The following PLD5 variants were observed in gnomAD, a reference collection of about 807,000 sequenced individuals.
PLD5 encodes the protein inactive phospholipase D5.
Under a neutral mutation model 61.1 loss-of-function variants are expected in PLD5, and 36 were observed. That is an observed-to-expected ratio of 0.59 (90% CI 0.45 to 0.78). The LOEUF (loss-of-function observed/expected upper bound fraction) is 0.78, where lower values mean the gene tolerates loss of function less well. Among genes scored for constraint, PLD5 ranks in the 30% least tolerant of loss-of-function variants. The probability of loss-of-function intolerance (pLI) is 0.00; values close to 1 mark genes in which losing one functional copy is unlikely to be tolerated. For missense variants in PLD5, 515 were observed against 644.4 expected (o/e 0.80, Z 2.17); for synonymous variants, 243 against 242.8 (o/e 1.00, Z -0.01).
Position 242,086,304 on chromosome 1 carries a change from T to C in PLD5, c.*3550A>G, listed in dbSNP as rs1414454337. The C allele has an allele frequency of 6.6e-6, 1 of 152,104 alleles. No homozygotes were observed. The highest frequency in any genetic ancestry group is 1.5e-5 in the Non-Finnish European group (1 of 68,010). The allele number at this position is 152,104 out of a possible 1,614,324, so 9.4% of individuals were successfully genotyped here. ...TGCTTTGACTTGTTAAAGACGCTGG[T>C]TTTCATTCTCTGTGCCACAGGACCT... On this transcript the variant is annotated 3_prime_UTR_variant, in exon 10 of 10. Transcript: ENST00000536534.
intron 5 of PLD5, among the ~76,000 whole-genome samples, chr1:242,132,351 T>C (rs1663363932): frequency 6.6e-6 from 1 of 152,098 alleles, no homozygotes; most frequent in Non-Finnish European, 1.5e-5. Flanking sequence ...ATTAGCACCG[T>C]TCTTTGCTGT....
At chr1:242,219,427 A>G (rs985300260) in intron 5 of PLD5, among the ~76,000 whole-genome samples, 2 of 151,816 alleles carry the variant, frequency 1.3e-5, no homozygotes, top group African/African-American at 4.8e-5. Context: ...ATGACTAGGA[A>G]CCTCCTGTCG....
At chr1:242,243,382 T>C (rs422095) in intron 4 of PLD5, among the ~76,000 whole-genome samples, 144,432 of 152,266 alleles carry the variant, frequency 0.95, 68,971 homozygotes, top group Non-Finnish European at 1. Flanking sequence ...AGGGTTATAA[T>C]TGCAGCTATG....
At chr1:242,423,292 T>C (rs548974451) in intron 1 of PLD5, among the ~76,000 whole-genome samples, 3 of 151,690 alleles carry the variant, frequency 2.0e-5, no homozygotes, top group Non-Finnish European at 2.9e-5. Flanking sequence ...ATCAGGAAAA[T>C]AGGACATAAA....
At chr1:242,363,665 A>T (rs1005187311) in intron 1 of PLD5, among the ~76,000 whole-genome samples, 10 of 152,138 alleles carry the variant, frequency 6.6e-5, no homozygotes, top group Non-Finnish European at 1.3e-4. Context: ...ATAATTAAGC[A>T]ATTGAAGTCA....
intron 2 of PLD5, among the ~76,000 whole-genome samples, chr1:242,337,576 A>G (rs148148961): frequency 0.048 from 7,260 of 152,284 alleles, 524 homozygotes; most frequent in African/African-American, 0.16. Flanking sequence ...GGTTGCAGTG[A>G]GCCAAGACCA....
intron 1 of PLD5, among the ~76,000 whole-genome samples, chr1:242,398,234 G>T (rs1364093334): frequency 1.3e-5 from 2 of 152,144 alleles, no homozygotes; most frequent in Non-Finnish European, 2.9e-5. Context: ...GTACAACCTA[G>T]ACATACAGAT....
intron 2 of PLD5, among the ~76,000 whole-genome samples, chr1:242,337,143 G>A (rs1455353318): frequency 7.4e-6 from 1 of 134,274 alleles, no homozygotes; most frequent in Non-Finnish European, 1.7e-5. Context: ...GCGAGGGCCA[G>A]GCCACTGAAG....
chr1:242,364,360 A>T (rs2488199), intron 1 of PLD5, among the ~76,000 whole-genome samples: 1 of 152,252 alleles, frequency 6.6e-6, no homozygotes, highest in Non-Finnish European at 1.5e-5. Context: ...ATTTAAGAGC[A>T]CATAGACCAT....
At position 242,154,462 on chromosome 1, in the gene PLD5, T is replaced by C. The variant is rs867208299; in HGVS notation, c.736-29797A>G. ...GCTTCCAGTTTTTGCCCATTCAGAA[T>C]GATATTGGCTGTGGGTTTGTCATAA... On this transcript the variant is annotated intron_variant, in intron 5 of 9. Coordinates refer to ENST00000536534, the MANE Select transcript of PLD5 (RefSeq NM_001372062.1). Among the ~76,000 whole-genome samples, 16 of 152,290 alleles carry C rather than the reference T, an allele frequency of 1.1e-4. 2 individuals carry two copies. The highest frequency in any genetic ancestry group is 3.4e-3 in the Middle Eastern group (1 of 294).
At chr1:242,259,321 T>TCTCTCTCC in intron 4 of PLD5, among the ~76,000 whole-genome samples, 1 of 151,560 alleles carries the variant, frequency 6.6e-6, no homozygotes, top group Non-Finnish European at 1.5e-5. Context: ...TCTCTCTCTC[T>TCTCTCTCC]CTCTCAAAAA....
At chr1:242,328,367 T>C (rs529437015) in intron 2 of PLD5, among the ~76,000 whole-genome samples, 80 of 152,326 alleles carry the variant, frequency 5.3e-4, no homozygotes, top group Non-Finnish European at 8.7e-4. Context: ...TCTACATATG[T>C]GTTCTACATG....
At chr1:242,395,111 G>T (rs1663489862) in intron 1 of PLD5, among the ~76,000 whole-genome samples, 1 of 146,326 alleles carries the variant, frequency 6.8e-6, no homozygotes, top group Non-Finnish European at 1.5e-5. Context: ...GTATGTATAT[G>T]AATATATATG....
intron 2 of PLD5, among the ~76,000 whole-genome samples, chr1:242,299,961 A>C (rs1160751342): frequency 1.3e-5 from 2 of 152,252 alleles, no homozygotes; most frequent in African/African-American, 2.4e-5. Context: ...CAACGAATAC[A>C]TAAGTAAACA....
intron 2 of PLD5, among the ~76,000 whole-genome samples, chr1:242,310,660 C>A (rs1676646749): frequency 1.3e-5 from 2 of 152,102 alleles, no homozygotes; most frequent in South Asian, 4.2e-4. Context: ...TTTGCTCCAA[C>A]CTGATAATAT....
intron 1 of PLD5, among the ~76,000 whole-genome samples, chr1:242,517,255 A>G (rs1480085389): frequency 6.6e-6 from 1 of 151,118 alleles, no homozygotes; most frequent in African/African-American, 2.5e-5. Context: ...ATGACCATGG[A>G]CATCTCTGTC....
At chr1:242,109,585 C>T (rs542333846) in intron 7 of PLD5, among the ~76,000 whole-genome samples, 11 of 152,248 alleles carry the variant, frequency 7.2e-5, no homozygotes, top group Non-Finnish European at 1.6e-4. Context: ...TGGCCCTTGC[C>T]CCCTCTCCAG....
At chr1:242,408,641 C>A (rs1664370995) in intron 1 of PLD5, among the ~76,000 whole-genome samples, 1 of 152,190 alleles carries the variant, frequency 6.6e-6, no homozygotes, top group Non-Finnish European at 1.5e-5. Flanking sequence ...GCCAAGCAGA[C>A]ATTGATGTCA....
At chr1:242,241,875 A>C (rs1251702452) in intron 4 of PLD5, among the ~76,000 whole-genome samples, 2 of 16,646 alleles carry the variant, frequency 1.2e-4, no homozygotes, top group African/African-American at 4.5e-4. Context: ...CTTACTATAT[A>C]TATATATATA....
Sources: gnomAD v4.1 joint callset for allele counts (sites outside exome capture counted in the v4.1 genomes callset) on GRCh38, gnomAD v4.1.1 for gene constraint, MANE v1.5 for transcripts, NCBI Gene and HGNC (gene_info 2026-07-23, HGNC 2026-07-21) for gene names.